Variants in LIMK2 observed in about 807,000 individuals in gnomAD.
LIMK2 encodes LIM domain kinase 2.
Under a neutral mutation model 75.7 loss-of-function variants are expected in LIMK2, and 35 were observed. The observed-to-expected ratio is 0.46, with a 90% CI of 0.35 to 0.61. The LOEUF (loss-of-function observed/expected upper bound fraction) is 0.61. LIMK2 is among the 20% of genes least tolerant of loss of function. The pLI is 0.00. For synonymous variants in LIMK2, 301 were observed against 319.2 expected, an observed-to-expected ratio of 0.94 and a Z score of 0.61; for missense variants, 623 against 831.0, an observed-to-expected ratio of 0.75 and a Z score of 3.08.
chr22:31,268,018 G>A, intron 10 of LIMK2, 111 bp downstream of exon 10: 1 of 1,542,812 alleles, frequency 6.5e-7, no homozygotes, highest in South Asian at 1.1e-5. Context: ...GCCTCCAAAG[G>A]ACCATGCTGG....
At chr22:31,224,920 CA>C in intron 1 of LIMK2, among the ~76,000 whole-genome samples, 1 of 152,220 alleles carries the variant, frequency 6.6e-6, no homozygotes. Flanking sequence ...GGCTGCACAG[CA>C]GGAGGTGAGC....
chr22:31,279,159 G>A lies in LIMK2; in HGVS notation c.*718G>A, dbSNP rs1003486433. 6.6e-6 allele frequency: 1 copy of A among 152,188 alleles called. No individual in the cohort carries two copies. The highest frequency in any genetic ancestry group is 1.5e-5 in the Non-Finnish European group (1 of 68,050). 9.4% of individuals were successfully genotyped at this position (152,188 alleles called of 1,614,324 possible). A position where few individuals can be genotyped will look rare whatever the true frequency, so the allele number is the denominator to read the frequency against. The stretch of plus-strand genomic sequence containing the variant: ...TACTGGAGACTGGCTGAGAACTTAC[G>A]GACAACATCCTTTCTGTCTGAAACA... On this transcript the variant is annotated 3_prime_UTR_variant, in exon 16 of 16. Coordinates refer to ENST00000331728, the MANE Select transcript of LIMK2 (RefSeq NM_005569.4).
Position 31,279,306 on chromosome 22 carries a change from T to G in LIMK2, c.*865T>G, listed in dbSNP as rs1299603003. The G allele has an allele frequency of 6.6e-6, 1 of 152,242 alleles. No individual in the cohort carries two copies. Among genetic ancestry groups the G allele is most frequent in the Non-Finnish European group, 1.5e-5 (1 of 68,056 alleles). The allele number at this position is 152,242 out of a possible 1,614,324, so 9.4% of individuals were successfully genotyped here. On this transcript the variant is annotated 3_prime_UTR_variant, in exon 16 of 16. Transcript: ENST00000331728. The stretch of plus-strand genomic sequence containing the variant: ...GCTCCTTAGTCAGATGCCTAAAACA[T>G]TTTGCCTAAAGCTCGATGGGTTCTG...
At chr22:31,219,664 C>A (rs551626381) in intron 1 of LIMK2, among the ~76,000 whole-genome samples, 2 of 152,126 alleles carry the variant, frequency 1.3e-5, no homozygotes, top group East Asian at 3.9e-4. Flanking sequence ...CTCCACCTCC[C>A]GGGTTCATGC....
chr22:31,266,177 T>A, intron 8 of LIMK2, 45 bp downstream of exon 8: 1 of 1,579,716 alleles, frequency 6.3e-7, no homozygotes, highest in Non-Finnish European at 8.7e-7. Flanking sequence ...CCCCAGTCCC[T>A]CTGTCACTGT....
At chr22:31,213,501 G>A (rs1312213422) in intron 1 of LIMK2, among the ~76,000 whole-genome samples, 1 of 152,210 alleles carries the variant, frequency 6.6e-6, no homozygotes, top group Non-Finnish European at 1.5e-5. Flanking sequence ...CATCTTGAAT[G>A]CAAGGACTGG....
chr22:31,229,578 C>T (rs1374422363), intron 2 of LIMK2, among the ~76,000 whole-genome samples: 1 of 152,138 alleles, frequency 6.6e-6, no homozygotes, highest in Non-Finnish European at 1.5e-5. Flanking sequence ...ATTCATTCTT[C>T]AAGGCCCCCT....
intron 2 of LIMK2, among the ~76,000 whole-genome samples, chr22:31,242,003 G>A (rs1468899315): frequency 2.0e-5 from 3 of 152,164 alleles, no homozygotes. Flanking sequence ...CTCAATGTGA[G>A]CTCTAGCAAG....
chr22:31,220,253 A>C (rs753820033), intron 1 of LIMK2, among the ~76,000 whole-genome samples: 23 of 152,336 alleles, frequency 1.5e-4, no homozygotes, highest in Admixed American at 5.9e-4. Flanking sequence ...GTGTGAATGC[A>C]TAACAGGTAA....
intron 15 of LIMK2, among the ~76,000 whole-genome samples, chr22:31,275,930 T>A (rs887276154): frequency 3.3e-5 from 5 of 152,158 alleles, no homozygotes. Flanking sequence ...TCTTTTCAAG[T>A]GTGTGGTTAA....
rs183236995 is a variant in LIMK2 at position 31,236,035 on chromosome 22, C to G, written c.116+10216C>G. Among the ~76,000 whole-genome samples, 1,408 of 152,324 alleles carry G rather than the reference C, an allele frequency of 9.2e-3. 8 individuals are homozygous for G. The highest frequency in any genetic ancestry group is 0.024 in the Middle Eastern group (7 of 294). The stretch of plus-strand genomic sequence containing the variant: ...AGAGGCCAGGCGTAGTGGCTCATGC[C>G]TATAATCCCAGCACTTTGGGAGGCC... On this transcript the variant is annotated intron_variant, in intron 2 of 15. Transcript: ENST00000331728.
At chr22:31,254,399 C>G (rs1418444686) in intron 2 of LIMK2, among the ~76,000 whole-genome samples, 2 of 152,248 alleles carry the variant, frequency 1.3e-5, no homozygotes, top group Non-Finnish European at 2.9e-5. Context: ...GCTCCCCTAC[C>G]TGGGCTACTG....
At chr22:31,229,139 T>C (rs966834336) in intron 2 of LIMK2, among the ~76,000 whole-genome samples, 1 of 152,198 alleles carries the variant, frequency 6.6e-6, no homozygotes, top group African/African-American at 2.4e-5. Flanking sequence ...CCAAATATCA[T>C]TCCCGTGGAG....
intron 3 of LIMK2, chr22:31,258,770 G>A: frequency 2.6e-6 from 1 of 384,750 alleles, no homozygotes; most frequent in Non-Finnish European, 4.8e-6. Context: ...CTCTGGAATA[G>A]GCTGGCAGAG....
chr22:31,220,932 C>T (rs2048428313), intron 1 of LIMK2, among the ~76,000 whole-genome samples: 1 of 151,940 alleles, frequency 6.6e-6, no homozygotes, highest in Non-Finnish European at 1.5e-5. Context: ...CCATTGCACT[C>T]CAGCCTGGGC....
chr22:31,268,544 A>G (rs910049899), intron 11 of LIMK2, among the ~76,000 whole-genome samples: 9 of 152,200 alleles, frequency 5.9e-5, no homozygotes, highest in East Asian at 1.9e-4. Context: ...TAGGAAATCA[A>G]TGAAGGGGAA....
Position 31,276,625 on chromosome 22 carries a change from C to T in LIMK2, c.1772+1317C>T, listed in dbSNP as rs920418111. Among the ~76,000 whole-genome samples, 92 of 146,370 alleles carry T rather than the reference C, an allele frequency of 6.3e-4. 1 individual carries two copies. In the East Asian group the frequency reaches 0.016, roughly 26 times the overall value. ...CGGCGAGCTAACCTGAGCCAGCCGG[C>T]GGGCGTCACGGAGGCGGCGGCACAA... On this transcript the variant is annotated intron_variant, in intron 15 of 15. Coordinates refer to ENST00000331728, the MANE Select transcript of LIMK2 (RefSeq NM_005569.4).
intron 15 of LIMK2, chr22:31,277,315 T>A: frequency 6.9e-7 from 1 of 1,442,978 alleles, no homozygotes; most frequent in Non-Finnish European, 9.1e-7. Flanking sequence ...ACTTTTGGAT[T>A]TTTTTATTGT....
intron 8 of LIMK2, 37 bp downstream of exon 8, chr22:31,266,169 C>G: frequency 6.2e-7 from 1 of 1,600,228 alleles, no homozygotes; most frequent in South Asian, 1.1e-5. Flanking sequence ...TCTTCTGCCC[C>G]CAGTCCCTCT....
Sources: allele counts gnomAD v4.1 joint callset (sites outside exome capture counted in the v4.1 genomes callset), GRCh38; gene constraint gnomAD v4.1.1; transcripts MANE v1.5; gene names NCBI Gene and HGNC (gene_info 2026-07-23, HGNC 2026-07-21).